Variants in STK32C observed in about 807,000 individuals in gnomAD.
The protein encoded by STK32C is serine/threonine kinase 32C.
Under a neutral mutation model 56.5 loss-of-function variants are expected in STK32C, and 31 were observed. The observed-to-expected ratio is 0.55, with a 90% CI of 0.41 to 0.74. The LOEUF (loss-of-function observed/expected upper bound fraction) is 0.74. STK32C is among the 30% of genes least tolerant of loss of function. The probability of loss-of-function intolerance (pLI) is 0.00; values close to 1 mark genes in which losing one functional copy is unlikely to be tolerated. For synonymous variants in STK32C, 309 were observed against 289.4 expected, an observed-to-expected ratio of 1.07 and a Z score of -0.69; for missense variants, 544 against 676.9, an observed-to-expected ratio of 0.80 and a Z score of 2.18.
Position 132,302,641 on chromosome 10 carries a change from G to GC in STK32C, c.262+4930dup, listed in dbSNP as rs201368583. Among the ~76,000 whole-genome samples, 601 of 152,290 alleles carry GC rather than the reference G, an allele frequency of 3.9e-3. 5 individuals carry two copies. Among genetic ancestry groups the GC allele is most frequent in the African/African-American group, 0.014 (574 of 41,556 alleles). On this transcript the variant is annotated intron_variant, in intron 1 of 11. Transcript: ENST00000298630. ...GATGGGTGTCTGGGCCACACAGAGA[G>GC]CCCCCACCCCTTGCCTCACAGGGTC...
chr10:132,233,368 GAGA>G (rs1449292439), intron 2 of STK32C, among the ~76,000 whole-genome samples: 1 of 152,204 alleles, frequency 6.6e-6, no homozygotes, highest in East Asian at 1.9e-4. Context: ...TGACGTCCCT[GAGA>G]AGCTGTGTCC....
intron 10 of STK32C, among the ~76,000 whole-genome samples, chr10:132,220,403 A>G (rs1481600559): frequency 1.3e-5 from 2 of 152,230 alleles, no homozygotes; most frequent in Non-Finnish European, 2.9e-5. Flanking sequence ...CCAAGCCATG[A>G]GACAACACAT....
chr10:132,311,738 C>T (rs535552051), upstream of STK32C, among the ~76,000 whole-genome samples: 53 of 152,266 alleles, frequency 3.5e-4, no homozygotes, highest in African/African-American at 1.1e-3. This position sits in a 1 kb window ranked among gnomAD's most constrained non-coding sequence, Gnocchi z 4.4. Context: ...CTGTCTACTC[C>T]GCCCTTTTCT....
intron 1 of STK32C, among the ~76,000 whole-genome samples, chr10:132,275,571 C>T (rs369130622): frequency 5.3e-5 from 8 of 152,206 alleles, no homozygotes; most frequent in Non-Finnish European, 8.8e-5. Context: ...CTGGCCACTC[C>T]GCCGACGTGT....
In STK32C at chr10:132,245,888, G is replaced by C. The variant is rs201145018; in HGVS notation, c.318+12C>G. 1.6e-4 allele frequency: 253 copies of C among 1,611,920 alleles called. 1 individual carries two copies. In the African/African-American group the frequency reaches 3.0e-3, roughly 19 times the overall value. The stretch of plus-strand genomic sequence containing the variant: ...CCCCTCAGCCCAGTCCCCACCCCAG[G>C]CCCTGCCTTACCTTGCCAAAGCTGC... On this transcript the variant is annotated intron_variant, in intron 2 of 11. Coordinates refer to ENST00000298630, the MANE Select transcript of STK32C (RefSeq NM_173575.4).
chr10:132,220,479 TG>T (rs940031296), intron 10 of STK32C, among the ~76,000 whole-genome samples: 3 of 152,230 alleles, frequency 2.0e-5, no homozygotes, highest in African/African-American at 7.2e-5. Context: ...CACATTCACA[TG>T]GAACACGAAC....
At chr10:132,217,643 G>C (rs967068825) in intron 10 of STK32C, among the ~76,000 whole-genome samples, 1 of 152,122 alleles carries the variant, frequency 6.6e-6, no homozygotes, top group East Asian at 1.9e-4. Context: ...GGAGGAACCT[G>C]GTGGGAGGTG....
intron 2 of STK32C, among the ~76,000 whole-genome samples, chr10:132,244,209 G>C (rs1319970423): frequency 6.6e-6 from 1 of 152,174 alleles, no homozygotes; most frequent in Non-Finnish European, 1.5e-5. Context: ...TGATGAGGAG[G>C]CCTAACTGTG....
chr10:132,253,534 CTGGAGGGAGT>C (rs2063992209), intron 1 of STK32C, among the ~76,000 whole-genome samples: 1 of 114,982 alleles, frequency 8.7e-6, no homozygotes, highest in African/African-American at 4.4e-5. Flanking sequence ...CCGGAGGGAG[CTGGAGGGAGT>C]CGAGGGAGCT....
At chr10:132,280,032 G>A (rs1210153230) in intron 1 of STK32C, among the ~76,000 whole-genome samples, 2 of 122,982 alleles carry the variant, frequency 1.6e-5, no homozygotes, top group African/African-American at 3.2e-5. Context: ...CCATGATCAG[G>A]ACACTCCACT....
intron 11 of STK32C, 43 bp downstream of exon 11, chr10:132,208,990 TC>T: frequency 6.3e-7 from 1 of 1,589,248 alleles, no homozygotes; most frequent in Non-Finnish European, 8.6e-7. Context: ...AGCCCCATTT[TC>T]CTCCTCTCTG....
At position 132,307,684 on chromosome 10, in the gene STK32C, A is replaced by G; in HGVS notation, c.150T>C (p.Asp50=). 6.6e-7 allele frequency: 1 copy of G among 1,507,900 alleles called. No individual in the cohort carries two copies. Among genetic ancestry groups the G allele is most frequent in the Non-Finnish European group, 8.9e-7 (1 of 1,127,162 alleles). The allele number at this position is 1,507,900 out of a possible 1,614,324, so 93.4% of individuals were successfully genotyped here. Residue 50 remains aspartate (D), a synonymous_variant, in exon 1 of 12, where the codon GAT becomes GAC. Transcript: ENST00000298630. This position sits in a 1 kb window ranked among gnomAD's most constrained non-coding sequence, Gnocchi z 4.4. ...ACAGGGGGCGCGGCTGCGAGCGGAC[A>G]TCGCCCGAGTCCCGGGCCCGGGGCT... is the stretch of plus-strand genomic sequence containing the variant. ...AGQPRARDSG[D]VRSQPRPLFQ... is the part of the protein sequence containing the mutation.
At chr10:132,312,546 G>C (rs1404961115), upstream of STK32C, among the ~76,000 whole-genome samples, 1 of 152,058 alleles carries the variant, frequency 6.6e-6, no homozygotes, top group African/African-American at 2.4e-5. Context: ...ATTTCAAAAG[G>C]GAGAAATAAG....
At chr10:132,331,926 C>A (rs1487323139), upstream of STK32C, 80 of 648,212 alleles carry the variant, frequency 1.2e-4, 6 homozygotes, top group South Asian at 1.7e-3. Flanking sequence ...ACCCCCCCAC[C>A]GCAAGCGCAA....
chr10:132,239,904 TG>T (rs1488503946), intron 2 of STK32C, among the ~76,000 whole-genome samples: 1 of 152,214 alleles, frequency 6.6e-6, no homozygotes, highest in African/African-American at 2.4e-5. Flanking sequence ...TCACTCGCCA[TG>T]GGAACACACG....
intron 1 of STK32C, among the ~76,000 whole-genome samples, chr10:132,282,829 G>T (rs1301926630): frequency 6.6e-6 from 1 of 152,244 alleles, no homozygotes; most frequent in Non-Finnish European, 1.5e-5. Context: ...AGCTGCTGGA[G>T]CGAAGGGAAG....
Position 132,260,785 on chromosome 10 carries a change from G to A in STK32C, c.263-14830C>T, listed in dbSNP as rs185473791. On this transcript the variant is annotated intron_variant, in intron 1 of 11. Transcript: ENST00000298630. ...CACCACCTGGAGGGGCAGGGAGAGG[G>A]GCGAGACAGGGCCCAGTTAAAGCCC... Among the ~76,000 whole-genome samples the A allele has an allele frequency of 2.5e-3, 388 of 152,352 alleles. 2 individuals carry two copies. Among genetic ancestry groups the A allele is most frequent in the African/African-American group, 9.0e-3 (376 of 41,584 alleles).
chr10:132,278,695 G>C (rs1389523571), intron 1 of STK32C, among the ~76,000 whole-genome samples: 1 of 150,046 alleles, frequency 6.7e-6, no homozygotes, highest in Non-Finnish European at 1.5e-5. Context: ...GGGAGGCGGA[G>C]CTTGCAGTGA....
At chr10:132,291,752 C>G (rs1446736747) in intron 1 of STK32C, among the ~76,000 whole-genome samples, 1 of 140,778 alleles carries the variant, frequency 7.1e-6, no homozygotes, top group Non-Finnish European at 1.6e-5. Context: ...GACCCCATCC[C>G]CCCCACCCTA....
Sources: gnomAD v4.1 joint callset for allele counts (sites outside exome capture counted in the v4.1 genomes callset) on GRCh38, gnomAD v4.1.1 for gene constraint, Gnocchi (gnomAD v3.1) non-coding constraint, MANE v1.5 for transcripts, NCBI Gene and HGNC (gene_info 2026-07-23, HGNC 2026-07-21) for gene names.